Variants in CLMP observed in about 807,000 individuals in gnomAD.
CLMP encodes CXADR like cell adhesion molecule.
A neutral mutation model predicts 45.2 loss-of-function variants in CLMP; 27 were observed. The ratio of observed to expected loss-of-function variants is 0.60; its 90% CI spans 0.44 to 0.82. The LOEUF is 0.82. CLMP is among the 40% of genes least tolerant of loss of function. The pLI, the probability that CLMP is intolerant of heterozygous loss-of-function variation, is 0.00. For synonymous variants in CLMP, 167 were observed against 171.4 expected, an observed-to-expected ratio of 0.97 and a Z score of 0.20; for missense variants, 403 against 448.4, an observed-to-expected ratio of 0.90 and a Z score of 0.91.
intron 1 of CLMP, among the ~76,000 whole-genome samples, chr11:123,191,686 A>G (rs1565408255): frequency 6.6e-6 from 1 of 152,224 alleles, no homozygotes; most frequent in Non-Finnish European, 1.5e-5. Context: ...GCTCCTCACT[A>G]TTGGGTTATC....
chr11:123,104,208 T>C (rs1460417554), intron 1 of CLMP, among the ~76,000 whole-genome samples: 1 of 145,628 alleles, frequency 6.9e-6, no homozygotes, highest in East Asian at 2.1e-4. Context: ...TGATCTCGGG[T>C]TCATGAGTAA....
chr11:123,167,567 G>A (rs1399101041), intron 1 of CLMP, among the ~76,000 whole-genome samples: 11 of 152,092 alleles, frequency 7.2e-5, no homozygotes, highest in Admixed American at 6.5e-4. Context: ...TTACAGGCAT[G>A]AGCCACCACG....
chr11:123,145,466 T>TG lies in CLMP; in HGVS notation c.29-47515_29-47514insC, dbSNP rs1468425654. On this transcript the variant is annotated intron_variant, in intron 1 of 6. Transcript: ENST00000448775. The stretch of plus-strand genomic sequence containing the variant: ...GCTCTGCGGCTGTTTTTTTTTTTTT[T>TG]TTTTTTTTTTTTTGAGACGGGAGTC... 5.5e-3 allele frequency among the ~76,000 whole-genome samples: 551 copies of TG among 101,032 alleles called. 1 individual carries two copies. The highest frequency in any genetic ancestry group is 0.015 in the African/African-American group (316 of 21,124). The allele number at this position is 101,032 out of a possible 152,430, so 66.3% of individuals were successfully genotyped here.
At chr11:123,103,017 T>A (rs1330001083) in intron 1 of CLMP, among the ~76,000 whole-genome samples, 3 of 152,084 alleles carry the variant, frequency 2.0e-5, no homozygotes, top group Non-Finnish European at 4.4e-5. Flanking sequence ...TTTATCTGAG[T>A]GTAACCCACA....
chr11:123,133,605 C>G (rs6589966), intron 1 of CLMP, among the ~76,000 whole-genome samples: 41,447 of 151,918 alleles, frequency 0.27, 6,820 homozygotes, highest in African/African-American at 0.46. Flanking sequence ...TACTATGATG[C>G]GGTTCAGAAC....
intron 2 of CLMP, among the ~76,000 whole-genome samples, chr11:123,089,284 C>T (rs1207447007): frequency 6.6e-6 from 1 of 151,928 alleles, no homozygotes; most frequent in East Asian, 1.9e-4. Context: ...ACTCAGGTGG[C>T]TGAGGCAGGA....
chr11:123,075,345 C>T (rs1421569210), intron 5 of CLMP, among the ~76,000 whole-genome samples: 1 of 152,020 alleles, frequency 6.6e-6, no homozygotes, highest in Non-Finnish European at 1.5e-5. Context: ...GTTGTAGTTA[C>T]TGAATCACAG....
chr11:123,141,173 C>CT (rs550888215), intron 1 of CLMP, among the ~76,000 whole-genome samples: 1,587 of 80,744 alleles, frequency 0.02, 269 homozygotes, highest in East Asian at 0.057. Flanking sequence ...TCAGGCATTC[C>CT]TTTTTTTTTT....
chr11:123,192,652 T>G (rs572711838), intron 1 of CLMP, among the ~76,000 whole-genome samples: 91 of 152,282 alleles, frequency 6.0e-4, no homozygotes, highest in Non-Finnish European at 1.1e-3. Flanking sequence ...CTCAGAGCAC[T>G]TCTTATTCAT....
intron 1 of CLMP, among the ~76,000 whole-genome samples, chr11:123,151,738 T>C (rs773650745): frequency 1.3e-5 from 2 of 152,220 alleles, no homozygotes; most frequent in Non-Finnish European, 2.9e-5. Context: ...AGATATGAAG[T>C]ATGATAGGAA....
intron 1 of CLMP, among the ~76,000 whole-genome samples, chr11:123,142,372 G>T (rs185832510): frequency 2.0e-5 from 3 of 152,126 alleles, no homozygotes; most frequent in Non-Finnish European, 4.4e-5. Context: ...GATTGTCCAG[G>T]CACTGCTTTC....
At chr11:123,136,422 C>G (rs1471791709) in intron 1 of CLMP, 1 of 413,324 alleles carries the variant, frequency 2.4e-6, no homozygotes, top group African/African-American at 3.1e-5. Flanking sequence ...TGGTCCCCCC[C>G]ACCCCGCCCT....
intron 1 of CLMP, among the ~76,000 whole-genome samples, chr11:123,162,881 G>C (rs1565401022): frequency 6.6e-6 from 1 of 151,674 alleles, no homozygotes; most frequent in Non-Finnish European, 1.5e-5. Context: ...CTCCAGCCTG[G>C]GTGATAGAGT....
intron 1 of CLMP, among the ~76,000 whole-genome samples, chr11:123,155,033 G>A (rs952774970): frequency 6.6e-6 from 1 of 152,170 alleles, no homozygotes; most frequent in Admixed American, 6.5e-5. Context: ...CTGTTGCCCA[G>A]GTTGTAGTGC....
rs555840790 is a variant in CLMP at position 123,073,493 on chromosome 11, C to T, written c.1103G>A (p.Arg368Lys). The change falls in exon 7 of 7, where the codon AGA (arginine) becomes AAA (lysine). Residue 368 changes from arginine (R) to lysine (K), a missense_variant. By Grantham distance (26) the Arg-to-Lys change is conservative (BLOSUM62 2). Transcript: ENST00000448775. ...TTPSMIPSQS[R>K]AFQTV ...TGTAATTCAGACCGTTTGGAAGGCT[C>T]TGCTCTGGCTGGGGATCATGCTGGG... is the stretch of plus-strand genomic sequence containing the variant. 1.2e-6 allele frequency: 2 copies of T among 1,613,382 alleles called. No homozygotes were observed. The highest frequency in any genetic ancestry group is 1.7e-5 in the Admixed American group (1 of 59,952).
chr11:123,195,019 G>A lies in CLMP; in HGVS notation c.-79C>T. On this transcript the variant is annotated 5_prime_UTR_variant, in exon 1 of 7. Transcript: ENST00000448775. ...CGGCCGGGCGCCTCCGACGGACCTC[G>A]GGCGAGCTGGGCGCGGCGCCTCGGG... 7.0e-7 allele frequency: 1 copy of A among 1,429,142 alleles called. No individual in the cohort carries two copies. The highest frequency in any genetic ancestry group is 1.3e-5 in the South Asian group (1 of 75,132). The allele number at this position is 1,429,142 out of a possible 1,614,324, so 88.5% of individuals were successfully genotyped here. A position where few individuals can be genotyped will look rare whatever the true frequency, so the allele number is the denominator to read the frequency against.
At chr11:123,111,734 A>G (rs1045009628) in intron 1 of CLMP, among the ~76,000 whole-genome samples, 1 of 152,124 alleles carries the variant, frequency 6.6e-6, no homozygotes, top group African/African-American at 2.4e-5. Flanking sequence ...TAAATTTCCA[A>G]CCACGTGCAT....
At chr11:123,092,787 A>G (rs898734690) in intron 2 of CLMP, among the ~76,000 whole-genome samples, 2 of 149,966 alleles carry the variant, frequency 1.3e-5, no homozygotes, top group Non-Finnish European at 2.9e-5. Flanking sequence ...TTTAGTAGAG[A>G]TGGGGTTTCA....
At chr11:123,149,244 T>C (rs919773427) in intron 1 of CLMP, among the ~76,000 whole-genome samples, 1 of 152,194 alleles carries the variant, frequency 6.6e-6, no homozygotes, top group African/African-American at 2.4e-5. Context: ...CCTAGAGCCT[T>C]CAGAGGAAAC....
Sources: allele counts gnomAD v4.1 joint callset (sites outside exome capture counted in the v4.1 genomes callset), GRCh38; gene constraint gnomAD v4.1.1; transcripts MANE v1.5; gene names NCBI Gene and HGNC (gene_info 2026-07-23, HGNC 2026-07-21).